Variants in IGF2BP2 observed in about 807,000 individuals in gnomAD.
The protein encoded by IGF2BP2 is insulin like growth factor 2 mRNA binding protein 2.
IGF2BP2 carries 17 observed loss-of-function variants against 75.8 expected under a neutral mutation model. The ratio of observed to expected loss-of-function variants is 0.22; its 90% CI spans 0.15 to 0.34. IGF2BP2 has a LOEUF of 0.34. Among genes scored for constraint, IGF2BP2 ranks in the 10% least tolerant of loss-of-function variants. The pLI is 1.00. For synonymous variants in IGF2BP2, 288 were observed against 295.6 expected (o/e 0.97, Z 0.26); for missense variants, 516 against 772.4 (o/e 0.67, Z 3.93).
At chr3:185,706,134 C>T (rs575553376) in intron 2 of IGF2BP2, among the ~76,000 whole-genome samples, 72 of 152,266 alleles carry the variant, frequency 4.7e-4, no homozygotes, top group Non-Finnish European at 7.8e-4. Flanking sequence ...TTGGGGAGGC[C>T]AAGGTGGGAG....
intron 2 of IGF2BP2, among the ~76,000 whole-genome samples, chr3:185,811,857 T>G (rs966714797): frequency 8.1e-6 from 1 of 124,084 alleles, no homozygotes; most frequent in African/African-American, 4.6e-5. Context: ...TCTCTCTCTC[T>G]CTCTCTCTCT....
At chr3:185,673,281 G>C (rs1325647007) in intron 9 of IGF2BP2, among the ~76,000 whole-genome samples, 1 of 152,234 alleles carries the variant, frequency 6.6e-6, no homozygotes, top group Non-Finnish European at 1.5e-5. Flanking sequence ...ACTTAGTGTC[G>C]TGTTCTCAGT....
At chr3:185,655,500 G>C (rs1715286842) in intron 12 of IGF2BP2, among the ~76,000 whole-genome samples, 1 of 152,222 alleles carries the variant, frequency 6.6e-6, no homozygotes, top group Non-Finnish European at 1.5e-5. Context: ...TATGGAGCGA[G>C]GCAGGGGCTG....
At chr3:185,786,812 A>G (rs1268688993) in intron 2 of IGF2BP2, among the ~76,000 whole-genome samples, 1 of 152,196 alleles carries the variant, frequency 6.6e-6, no homozygotes, top group African/African-American at 2.4e-5. Flanking sequence ...CCCTGATCAA[A>G]AAAGATTAGA....
At chr3:185,796,632 A>AG (rs1553892606) in intron 2 of IGF2BP2, among the ~76,000 whole-genome samples, 176 of 60,234 alleles carry the variant, frequency 2.9e-3, no homozygotes, top group African/African-American at 0.011. Flanking sequence ...AAAAAAAAAA[A>AG]AAGAGAGAGA....
intron 2 of IGF2BP2, among the ~76,000 whole-genome samples, chr3:185,720,579 C>T (rs1229762557): frequency 2.6e-5 from 4 of 152,202 alleles, no homozygotes; most frequent in Non-Finnish European, 5.9e-5. Flanking sequence ...GGAAATGAAG[C>T]TTGTTGCTTG....
At chr3:185,820,444 T>C (rs1181267012) in intron 2 of IGF2BP2, among the ~76,000 whole-genome samples, 1 of 152,112 alleles carries the variant, frequency 6.6e-6, no homozygotes, top group Non-Finnish European at 1.5e-5. Context: ...CAAACACTTT[T>C]ATTCAACAGA....
chr3:185,819,125 C>T (rs1741000444), intron 2 of IGF2BP2, among the ~76,000 whole-genome samples: 1 of 151,958 alleles, frequency 6.6e-6, no homozygotes, highest in South Asian at 2.1e-4. Flanking sequence ...CTCAGGTTAA[C>T]ATAATAAAAA....
intron 15 of IGF2BP2, among the ~76,000 whole-genome samples, chr3:185,646,712 G>C (rs1713620804): frequency 6.6e-6 from 1 of 152,200 alleles, no homozygotes; most frequent in Non-Finnish European, 1.5e-5. Flanking sequence ...AGGAGAGAGG[G>C]TGAGGGAAGC....
At chr3:185,716,424 C>T (rs763979383) in intron 2 of IGF2BP2, 1 of 505,218 alleles carries the variant, frequency 2.0e-6, no homozygotes, top group South Asian at 1.4e-5. Context: ...CTTTCCCCTC[C>T]CTCTTTCCAT....
intron 2 of IGF2BP2, among the ~76,000 whole-genome samples, chr3:185,819,704 A>G (rs1349810767): frequency 6.6e-6 from 1 of 152,130 alleles, no homozygotes. Context: ...ATGTAAGTAA[A>G]TGCAGGTATT....
intron 1 of IGF2BP2, 75 bp from the exon 2 acceptor site, chr3:185,823,288 G>T: frequency 8.7e-7 from 1 of 1,150,848 alleles, no homozygotes; most frequent in Non-Finnish European, 1.3e-6. Flanking sequence ...GGCACGCACG[G>T]AACTCCACGC....
intron 5 of IGF2BP2, 133 bp downstream of exon 5, chr3:185,692,566 G>T: frequency 1.4e-6 from 1 of 723,300 alleles, no homozygotes; most frequent in Non-Finnish European, 2.3e-6. Context: ...AGCTCCATGG[G>T]TATGTCAAAG....
rs144628958 is a variant in IGF2BP2, at chr3:185,681,777, G to A, written c.812+5280C>T. Among the ~76,000 whole-genome samples the A allele has an allele frequency of 4.3e-3, 661 of 152,248 alleles. 5 individuals carry two copies. Among genetic ancestry groups the A allele is most frequent in the African/African-American group, 0.015 (605 of 41,524 alleles). The stretch of plus-strand genomic sequence containing the variant: ...GAAATAAATCCTGCGTATAGTCTCC[G>A]ATGATTTTTGATAAGGTGCTGAGAC... On this transcript the variant is annotated intron_variant, in intron 7 of 15. Coordinates refer to ENST00000382199, the MANE Select transcript of IGF2BP2 (RefSeq NM_006548.6).
chr3:185,744,982 G>T (rs558318305), intron 2 of IGF2BP2, among the ~76,000 whole-genome samples: 1 of 151,944 alleles, frequency 6.6e-6, no homozygotes, highest in East Asian at 1.9e-4. Flanking sequence ...ATTTATTTCC[G>T]AAAGGACCAG....
chr3:185,786,383 G>A (rs948380854), intron 2 of IGF2BP2, among the ~76,000 whole-genome samples: 2 of 152,116 alleles, frequency 1.3e-5, no homozygotes, highest in African/African-American at 4.8e-5. Flanking sequence ...CCTGAAGCAA[G>A]TAAAGAATCA....
At chr3:185,666,596 T>A (rs1717671508) in intron 10 of IGF2BP2, among the ~76,000 whole-genome samples, 1 of 152,074 alleles carries the variant, frequency 6.6e-6, no homozygotes, top group African/African-American at 2.4e-5. Flanking sequence ...GCCACTGCAC[T>A]CCAGCCTGGG....
chr3:185,742,174 G>A (rs1406932482), intron 2 of IGF2BP2, among the ~76,000 whole-genome samples: 3 of 142,640 alleles, frequency 2.1e-5, no homozygotes, highest in Non-Finnish European at 4.5e-5. Context: ...AACACAGTGA[G>A]AGCCCACCTC....
At chr3:185,696,779 A>T in intron 3 of IGF2BP2, 116 bp from the exon 4 acceptor site, 1 of 817,000 alleles carries the variant, frequency 1.2e-6, no homozygotes, top group Non-Finnish European at 2.0e-6. Context: ...TTATAGGAAT[A>T]ATCTAATTAA....
Sources: gnomAD v4.1 joint callset for allele counts (sites outside exome capture counted in the v4.1 genomes callset) on GRCh38, gnomAD v4.1.1 for gene constraint, MANE v1.5 for transcripts, NCBI Gene and HGNC (gene_info 2026-07-23, HGNC 2026-07-21) for gene names.